Variants in WDFY1 observed in about 807,000 individuals in gnomAD.
WDFY1 encodes the protein WD repeat and FYVE domain-containing protein 1.
WDFY1 carries 32 observed loss-of-function variants against 56.4 expected under a neutral mutation model. The observed-to-expected ratio is 0.57, with a 90% CI of 0.43 to 0.76. The LOEUF (loss-of-function observed/expected upper bound fraction) is 0.76, where lower values mean the gene tolerates loss of function less well. Among genes scored for constraint, WDFY1 ranks in the 30% least tolerant of loss-of-function variants. The probability of loss-of-function intolerance (pLI) is 0.00; values close to 1 mark genes in which losing one functional copy is unlikely to be tolerated. For missense variants in WDFY1, 480 were observed against 545.7 expected (o/e 0.88, Z 1.20); for synonymous variants, 192 against 197.3 (o/e 0.97, Z 0.23).
intron 5 of WDFY1, 48 bp from the exon 6 acceptor site, chr2:223,899,118 C>G (rs773727514): frequency 5.4e-6 from 8 of 1,495,012 alleles, no homozygotes; most frequent in South Asian, 1.1e-5. Context: ...CCTGAAAGTC[C>G]TCTCATAAGA....
At position 223,886,596 on chromosome 2, in the gene WDFY1, T is replaced by C. The variant is rs551303366; in HGVS notation, c.832-1847A>G. Among the ~76,000 whole-genome samples the C allele has an allele frequency of 3.1e-4, 47 of 151,578 alleles. No homozygotes were observed. In the East Asian group the frequency reaches 9.2e-3, roughly 30 times the overall value. ...AAAATTAGCCAGGCGTGGTGGCACA[T>C]GCCTATGCCTATAATCCCAGCTACT... On this transcript the variant is annotated intron_variant, in intron 8 of 11. Coordinates refer to ENST00000233055, the MANE Select transcript of WDFY1 (RefSeq NM_020830.5).
At position 223,938,510 on chromosome 2, in the gene WDFY1, TTTAAA is replaced by T. The variant is rs542138675; in HGVS notation, c.137+6633_137+6637del. ...TGTAGTTCAAATTCTTAAACTTAAA[TTTAAA>T]TTAAAGAGCTTAAGGTAATTATTAC... On this transcript the variant is annotated intron_variant, in intron 1 of 11. Transcript: ENST00000233055. 1.2e-3 allele frequency among the ~76,000 whole-genome samples: 177 copies of T among 152,320 alleles called. 1 individual carries two copies. The highest frequency in any genetic ancestry group is 4.6e-3 in the East Asian group (24 of 5,190).
intron 1 of WDFY1, among the ~76,000 whole-genome samples, chr2:223,928,961 G>A (rs1001261115): frequency 2.0e-5 from 3 of 152,154 alleles, no homozygotes; most frequent in Admixed American, 1.3e-4. Context: ...CAGACTAGAG[G>A]TGCCTGGGTA....
In WDFY1 at chr2:223,945,171, G is replaced by T. The variant is rs747576718; in HGVS notation, c.114C>A (p.Gly38=). The T allele has an allele frequency of 1.3e-6, 2 of 1,596,894 alleles. No homozygotes were observed. Among genetic ancestry groups the T allele is most frequent in the South Asian group, 1.1e-5 (1 of 89,886 alleles). ...ACCTGTCCTCGCTGGCCGTGATCAC[G>T]CCGTCCTCCTTGGGGATGAGCAGCG... ...TAALLIPKED[G]VITASEDRTI... is the part of the protein sequence containing the mutation. The change falls in exon 1 of 12, where the codon GGC becomes GGA. Residue 38 remains glycine, a synonymous_variant. Coordinates refer to ENST00000233055, the MANE Select transcript of WDFY1 (RefSeq NM_020830.5).
intron 1 of WDFY1, among the ~76,000 whole-genome samples, chr2:223,926,029 T>C (rs1693973071): frequency 6.6e-6 from 1 of 152,204 alleles, no homozygotes. Context: ...AGTTTAACCT[T>C]CTCTCAAGAA....
At chr2:223,907,349 GA>G (rs1246113268) in intron 3 of WDFY1, among the ~76,000 whole-genome samples, 1 of 152,052 alleles carries the variant, frequency 6.6e-6, no homozygotes, top group African/African-American at 2.4e-5. Context: ...AGTGAGGGGG[GA>G]AAAAAGCACA....
At chr2:223,909,209 T>A (rs1693648225) in intron 3 of WDFY1, among the ~76,000 whole-genome samples, 1 of 152,172 alleles carries the variant, frequency 6.6e-6, no homozygotes, top group Non-Finnish European at 1.5e-5. Context: ...AAGCTCTAGG[T>A]CTGGCATAGA....
At chr2:223,904,630 C>A (rs1340839195) in intron 4 of WDFY1, among the ~76,000 whole-genome samples, 1 of 152,084 alleles carries the variant, frequency 6.6e-6, no homozygotes, top group East Asian at 1.9e-4. Context: ...ATTAAAGTAT[C>A]CTATTATTAG....
chr2:223,894,155 T>C (rs1352648735), intron 8 of WDFY1, 79 bp downstream of exon 8: 2 of 1,414,296 alleles, frequency 1.4e-6, no homozygotes, highest in African/African-American at 2.8e-5. Context: ...CATTTACAGC[T>C]TGCGGGGTGA....
intron 1 of WDFY1, among the ~76,000 whole-genome samples, chr2:223,936,633 A>G (rs1465075548): frequency 6.6e-6 from 1 of 152,188 alleles, no homozygotes; most frequent in Non-Finnish European, 1.5e-5. Flanking sequence ...TCTTGCTTGC[A>G]AGGTTGGCCC....
chr2:223,908,692 A>G (rs551019503), intron 3 of WDFY1, among the ~76,000 whole-genome samples: 4 of 152,246 alleles, frequency 2.6e-5, no homozygotes, highest in East Asian at 3.9e-4. Context: ...ACTGACGTCT[A>G]TGTTCAGGGA....
intron 1 of WDFY1, among the ~76,000 whole-genome samples, chr2:223,944,568 G>T (rs567727335): frequency 1.2e-3 from 183 of 151,142 alleles, no homozygotes; most frequent in African/African-American, 4.0e-3. Flanking sequence ...GCGTTGGGGC[G>T]CACTGGAACC....
intron 1 of WDFY1, among the ~76,000 whole-genome samples, chr2:223,928,133 T>C (rs1413114161): frequency 6.6e-6 from 1 of 152,038 alleles, no homozygotes; most frequent in Non-Finnish European, 1.5e-5. Context: ...ACAGATATAA[T>C]AATAAAGTTT....
chr2:223,935,348 A>C (rs562467675), intron 1 of WDFY1, among the ~76,000 whole-genome samples: 1 of 152,226 alleles, frequency 6.6e-6, no homozygotes, highest in Non-Finnish European at 1.5e-5. Context: ...TGTTTTGAGC[A>C]AAGTAGTATG....
intron 4 of WDFY1, among the ~76,000 whole-genome samples, chr2:223,904,082 G>A (rs649260): frequency 0.93 from 141,708 of 152,238 alleles, 66,024 homozygotes; most frequent in South Asian, 0.96. Context: ...TGCACATGAT[G>A]GCTGAGAATT....
At chr2:223,934,853 A>T (rs1694142976) in intron 1 of WDFY1, among the ~76,000 whole-genome samples, 1 of 152,244 alleles carries the variant, frequency 6.6e-6, no homozygotes, top group Non-Finnish European at 1.5e-5. Context: ...ACAAATATGT[A>T]AATGAGTAAC....
At chr2:223,915,525 G>T (rs917376210) in intron 2 of WDFY1, among the ~76,000 whole-genome samples, 1 of 152,208 alleles carries the variant, frequency 6.6e-6, no homozygotes, top group African/African-American at 2.4e-5. Flanking sequence ...AATCCCTCTA[G>T]TCTCTGTCTC....
At chr2:223,882,224 C>G (rs1425769066) in intron 9 of WDFY1, 152 bp from the exon 10 acceptor site, 13 of 1,008,698 alleles carry the variant, frequency 1.3e-5, no homozygotes, top group Non-Finnish European at 1.8e-5. Flanking sequence ...TACCAATTCT[C>G]CTGCCTCAGC....
chr2:223,917,509 G>C (rs149793568), intron 2 of WDFY1, among the ~76,000 whole-genome samples: 1 of 152,058 alleles, frequency 6.6e-6, no homozygotes, highest in Non-Finnish European at 1.5e-5. Context: ...GCCTGTCAGA[G>C]GTATTAGGCA....
Sources: gnomAD v4.1 joint callset for allele counts (sites outside exome capture counted in the v4.1 genomes callset) on GRCh38, gnomAD v4.1.1 for gene constraint, MANE v1.5 for transcripts, NCBI Gene and HGNC (gene_info 2026-07-23, HGNC 2026-07-21) for gene names.